CADPS2: variants seen among roughly 807,000 people sequenced by gnomAD.
CADPS2 encodes the protein calcium-dependent secretion activator 2.
CADPS2 carries 93 observed loss-of-function variants against 172.5 expected under a neutral mutation model. The observed-to-expected ratio is 0.54, with a 90% CI of 0.46 to 0.64. The LOEUF (loss-of-function observed/expected upper bound fraction) is 0.64, where lower values mean the gene tolerates loss of function less well. Among genes scored for constraint, CADPS2 ranks in the 30% least tolerant of loss-of-function variants. The pLI, the probability that CADPS2 is intolerant of heterozygous loss-of-function variation, is 0.00. For missense variants in CADPS2, 1,420 were observed against 1,565.9 expected (o/e 0.91, Z 1.57); for synonymous variants, 546 against 555.2 (o/e 0.98, Z 0.23).
At chr7:122,695,891 A>C (rs1437570998) in intron 2 of CADPS2, among the ~76,000 whole-genome samples, 1 of 152,216 alleles carries the variant, frequency 6.6e-6, no homozygotes, top group African/African-American at 2.4e-5. Flanking sequence ...GAGAATGAAA[A>C]ACACAATTGC....
At chr7:122,469,093 T>C (rs1246418780) in intron 14 of CADPS2, among the ~76,000 whole-genome samples, 1 of 152,152 alleles carries the variant, frequency 6.6e-6, no homozygotes, top group Non-Finnish European at 1.5e-5. Flanking sequence ...AGTATCGTTA[T>C]AAAGAAAACA....
chr7:122,755,918 TTA>T lies in CADPS2; in HGVS notation c.340-18852_340-18851del, dbSNP rs1226047422. Among the ~76,000 whole-genome samples, 3 of 152,194 alleles carry T rather than the reference TTA, an allele frequency of 2.0e-5. No homozygotes were observed. In the East Asian group the frequency reaches 5.8e-4, roughly 29 times the overall value. ...ACGTTTTCCTGGATTCCACATTAAA[TTA>T]TGTTAACAAAATAGTGAATATAATA... On this transcript the variant is annotated intron_variant, in intron 1 of 29. Coordinates refer to ENST00000449022, the MANE Select transcript of CADPS2 (RefSeq NM_017954.11).
At chr7:122,649,660 C>T (rs770267782) in intron 3 of CADPS2, among the ~76,000 whole-genome samples, 3 of 152,114 alleles carry the variant, frequency 2.0e-5, no homozygotes, top group Non-Finnish European at 4.4e-5. Context: ...GAAGATGCTG[C>T]CACCCATGTG....
intron 7 of CADPS2, among the ~76,000 whole-genome samples, chr7:122,570,263 C>A (rs1168040051): frequency 6.6e-6 from 1 of 152,070 alleles, no homozygotes; most frequent in Non-Finnish European, 1.5e-5. Flanking sequence ...ATTTATGCAG[C>A]CAAAAGACAC....
intron 1 of CADPS2, among the ~76,000 whole-genome samples, chr7:122,864,156 A>G (rs556959551): frequency 6.6e-6 from 1 of 152,338 alleles, no homozygotes; most frequent in South Asian, 2.1e-4. Context: ...TTTGGAATGC[A>G]GATGCTGTTG....
intron 1 of CADPS2, among the ~76,000 whole-genome samples, chr7:122,863,802 T>C (rs1333262583): frequency 2.0e-5 from 3 of 152,140 alleles, no homozygotes; most frequent in African/African-American, 7.2e-5. Context: ...GGCTGAGGCA[T>C]GCAGATCACC....
chr7:122,419,026 T>C (rs1485456040), intron 17 of CADPS2, among the ~76,000 whole-genome samples: 1 of 152,166 alleles, frequency 6.6e-6, no homozygotes, highest in Non-Finnish European at 1.5e-5. Context: ...CTGAATGAGT[T>C]GCTCCTTTCT....
At chr7:122,748,957 A>G (rs1003979172) in intron 1 of CADPS2, among the ~76,000 whole-genome samples, 4 of 152,094 alleles carry the variant, frequency 2.6e-5, no homozygotes, top group Admixed American at 2.0e-4. Flanking sequence ...TTAACTCTTA[A>G]GTGAAGTATT....
rs115108373 is a variant in CADPS2 at position 122,515,763 on chromosome 7, T to C, written c.1476-2448A>G. Reference sequence around the variant, plus strand: ...TAATAATCAGCATTGCACATGTATATATATGTAACTAACCTGCACAATGTG... The same window carrying C: ...TAATAATCAGCATTGCACATGTATACATATGTAACTAACCTGCACAATGTG... On this transcript the variant is annotated intron_variant, in intron 8 of 29. Transcript: ENST00000449022. 7.9e-3 allele frequency among the ~76,000 whole-genome samples: 1,184 copies of C among 150,478 alleles called. 16 individuals are homozygous for C. The highest frequency in any genetic ancestry group is 0.028 in the African/African-American group (1,146 of 40,854).
At chr7:122,697,846 G>A (rs974255785) in intron 2 of CADPS2, 1 of 1,610,720 alleles carries the variant, frequency 6.2e-7, no homozygotes, top group Non-Finnish European at 8.5e-7. Flanking sequence ...ATTATTCTGA[G>A]AAGTAGGGTT....
intron 1 of CADPS2, among the ~76,000 whole-genome samples, chr7:122,800,061 T>A (rs970139184): frequency 6.6e-6 from 1 of 152,212 alleles, no homozygotes; most frequent in African/African-American, 2.4e-5. Context: ...TGGCATAAAT[T>A]GTATTTAACA....
chr7:122,782,442 TACA>T (rs968080945), intron 1 of CADPS2, among the ~76,000 whole-genome samples: 40 of 152,272 alleles, frequency 2.6e-4, no homozygotes, highest in African/African-American at 7.2e-4. Context: ...ACCCCATCTC[TACA>T]ACAACAACAA....
chr7:122,584,349 G>A (rs1276962408), intron 6 of CADPS2, among the ~76,000 whole-genome samples: 1 of 151,818 alleles, frequency 6.6e-6, no homozygotes, highest in Non-Finnish European at 1.5e-5. Context: ...TAAGTTTTAT[G>A]TTATTTATTT....
intron 2 of CADPS2, among the ~76,000 whole-genome samples, chr7:122,723,934 A>G (rs570882808): frequency 6.6e-6 from 1 of 151,872 alleles, no homozygotes; most frequent in South Asian, 2.1e-4. Context: ...AAGGACAGAA[A>G]TCCAAACACC....
intron 1 of CADPS2, among the ~76,000 whole-genome samples, chr7:122,740,573 T>C (rs759385355): frequency 6.6e-6 from 1 of 152,086 alleles, no homozygotes; most frequent in South Asian, 2.1e-4. Context: ...GCAGGATATA[T>C]ATGGGAAATT....
rs920746419 is a variant in CADPS2 at position 122,649,416 on chromosome 7, T to G, written c.786+13821A>C. On this transcript the variant is annotated intron_variant, in intron 3 of 29. Transcript: ENST00000449022. ...TGTTCCCAGCTTCCCCTACATTAGATGTGACCACAGGACAAAGTCCTCAGA... is the reference window on the plus strand; with the variant it reads ...TGTTCCCAGCTTCCCCTACATTAGAGGTGACCACAGGACAAAGTCCTCAGA... Among the ~76,000 whole-genome samples, 3 of 152,186 alleles carry G rather than the reference T, an allele frequency of 2.0e-5. No individual in the cohort carries two copies. The East Asian group carries it at 5.8e-4, about 29-fold the overall frequency.
intron 1 of CADPS2, among the ~76,000 whole-genome samples, chr7:122,762,989 A>C (rs762719073): frequency 1.3e-5 from 2 of 152,134 alleles, no homozygotes; most frequent in Non-Finnish European, 2.9e-5. Context: ...TGCGAAGGTG[A>C]CCTACAGAGC....
intron 1 of CADPS2, among the ~76,000 whole-genome samples, chr7:122,748,670 T>C (rs2092821822): frequency 6.6e-6 from 1 of 152,128 alleles, no homozygotes; most frequent in Non-Finnish European, 1.5e-5. Context: ...GGATGAGAAG[T>C]GGCTATCTGC....
intron 1 of CADPS2, among the ~76,000 whole-genome samples, chr7:122,884,895 A>G (rs1332059492): frequency 6.6e-6 from 1 of 152,222 alleles, no homozygotes; most frequent in Non-Finnish European, 1.5e-5. Flanking sequence ...TCTGAACTAC[A>G]GTTATAGTTG....
Sources: gnomAD v4.1 joint callset for allele counts (sites outside exome capture counted in the v4.1 genomes callset) on GRCh38, gnomAD v4.1.1 for gene constraint, MANE v1.5 for transcripts, NCBI Gene and HGNC (gene_info 2026-07-23, HGNC 2026-07-21) for gene names.